CTTNBP2: variants seen among roughly 807,000 people sequenced by gnomAD.
The protein encoded by CTTNBP2 is cortactin-binding protein 2.
CTTNBP2 carries 108 observed loss-of-function variants against 156.9 expected under a neutral mutation model. That is an observed-to-expected ratio of 0.69 (90% confidence interval 0.59 to 0.81). CTTNBP2 has a LOEUF of 0.81. Among genes scored for constraint, CTTNBP2 ranks in the 30% least tolerant of loss-of-function variants. CTTNBP2 has a pLI of 0.00. For synonymous variants in CTTNBP2, 767 were observed against 751.8 expected, an observed-to-expected ratio of 1.02 and a Z score of -0.33; for missense variants, 1,924 against 2,035.4, an observed-to-expected ratio of 0.95 and a Z score of 1.05.
At position 117,725,151 on chromosome 7, in the gene CTTNBP2, T is replaced by C. The variant is rs774721989; in HGVS notation, c.4162A>G (p.Lys1388Glu). Residue 1388 changes from lysine to glutamate, a missense_variant, in exon 18 of 23, where the codon AAA becomes GAA. Coordinates refer to ENST00000160373, the MANE Select transcript of CTTNBP2 (RefSeq NM_033427.3). ...TGCTGTCCTTGGCTAGGGTGTCTTT[T>C]AGCAGTTGTCTGCCCAAAGCCAGGT... is the stretch of plus-strand genomic sequence containing the variant. Reference protein sequence around the residue: ...RQPGFGQTTAKRHPSQGQQAV... With the variant: ...RQPGFGQTTAERHPSQGQQAV... 6.2e-7 allele frequency: 1 copy of C among 1,613,726 alleles called. No individual in the cohort carries two copies. Among genetic ancestry groups the C allele is most frequent in the East Asian group, 2.2e-5 (1 of 44,886 alleles).
Position 117,792,804 on chromosome 7 carries a change from C to T in CTTNBP2, c.415-23G>A, listed in dbSNP as rs374855585. On this transcript the variant is annotated intron_variant, in intron 3 of 22. Coordinates refer to ENST00000160373, the MANE Select transcript of CTTNBP2 (RefSeq NM_033427.3). This position sits in a 1 kb window ranked among gnomAD's most constrained non-coding sequence, Gnocchi z 4.2. ...CAGCTGAAAGAAATTCACAGGAAAACCCTGATTAATATACAGAATTTTCTT... is the reference window on the plus strand; with the variant it reads ...CAGCTGAAAGAAATTCACAGGAAAATCCTGATTAATATACAGAATTTTCTT... 8 of 1,480,644 alleles carry T rather than the reference C, an allele frequency of 5.4e-6. No individual in the cohort carries two copies. In the African/African-American group the frequency reaches 9.9e-5, roughly 18 times the overall value. The allele number at this position is 1,480,644 out of a possible 1,614,324, so 91.7% of individuals were successfully genotyped here.
chr7:117,854,827 C>T (rs1199522751), intron 2 of CTTNBP2, among the ~76,000 whole-genome samples: 8 of 152,054 alleles, frequency 5.3e-5, no homozygotes, highest in Admixed American at 3.9e-4. Context: ...CTCTATCACC[C>T]AGGCTGGAGT....
chr7:117,831,057 C>T lies in CTTNBP2; in HGVS notation c.190-20068G>A, dbSNP rs73477501. ...TATGAAATATTTATTGGCTATTAAA[C>T]CTACATTTTAAACTTTTCAAGCACT... On this transcript the variant is annotated intron_variant, in intron 2 of 22. Coordinates refer to ENST00000160373, the MANE Select transcript of CTTNBP2 (RefSeq NM_033427.3). Among the ~76,000 whole-genome samples, 348 of 151,886 alleles carry T rather than the reference C, an allele frequency of 2.3e-3. 1 individual carries two copies. Among genetic ancestry groups the T allele is most frequent in the African/African-American group, 8.1e-3 (335 of 41,388 alleles).
At chr7:117,806,508 A>G (rs1033592480) in intron 3 of CTTNBP2, among the ~76,000 whole-genome samples, 4 of 152,140 alleles carry the variant, frequency 2.6e-5, no homozygotes, top group Admixed American at 6.6e-5. Context: ...CTCCCTGGGC[A>G]CTCCAACCCA....
intron 9 of CTTNBP2, among the ~76,000 whole-genome samples, chr7:117,762,714 C>T (rs892918579): frequency 1.3e-5 from 2 of 152,222 alleles, no homozygotes; most frequent in African/African-American, 2.4e-5. Context: ...TACAATCGAA[C>T]ACTGCAATGG....
Position 117,791,682 on chromosome 7 carries a change from C to T in CTTNBP2, c.1514G>A (p.Gly505Asp). The T allele has an allele frequency of 1.9e-6, 3 of 1,614,168 alleles. No individual in the cohort carries two copies. Among genetic ancestry groups the T allele is most frequent in the Non-Finnish European group, 2.5e-6 (3 of 1,180,040 alleles). The change falls in exon 4 of 23, where the codon GGT (glycine) becomes GAT (aspartate). Residue 505 changes from glycine to aspartate, a missense_variant. Coordinates refer to ENST00000160373, the MANE Select transcript of CTTNBP2 (RefSeq NM_033427.3). ...GGGCACTCCAGGCCTTGAGGGAGCA[C>T]CTGCTTGAGGGCTTGTAAATCTTGA... is the stretch of plus-strand genomic sequence containing the variant. Reference protein sequence around the residue: ...ALSRFTSPQAGAPSRPGVPPT... With the variant: ...ALSRFTSPQADAPSRPGVPPT...
intron 5 of CTTNBP2, among the ~76,000 whole-genome samples, chr7:117,784,028 CT>C (rs1798566862): frequency 6.6e-6 from 1 of 152,138 alleles, no homozygotes; most frequent in Non-Finnish European, 1.5e-5. Context: ...ACAAAGATTA[CT>C]TTTTACTAGC....
chr7:117,735,794 A>T (rs112148548), intron 14 of CTTNBP2, among the ~76,000 whole-genome samples: 4 of 152,376 alleles, frequency 2.6e-5, no homozygotes, highest in South Asian at 2.1e-4. Context: ...ATCATAAAAG[A>T]TTATATACAA....
At chr7:117,850,224 T>C (rs1289991139) in intron 2 of CTTNBP2, among the ~76,000 whole-genome samples, 1 of 152,176 alleles carries the variant, frequency 6.6e-6, no homozygotes, top group African/African-American at 2.4e-5. Context: ...CCCTTATCTA[T>C]GGGGAATATG....
At position 117,847,184 on chromosome 7, in the gene CTTNBP2, T is replaced by C. The variant is rs572916570; in HGVS notation, c.189+14025A>G. ...AGAAAAAAAAAAATGCACAAGCTGGTTTTCAAAGCAATGAAAAGTAGGACA... is the reference window on the plus strand; with the variant it reads ...AGAAAAAAAAAAATGCACAAGCTGGCTTTCAAAGCAATGAAAAGTAGGACA... On this transcript the variant is annotated intron_variant, in intron 2 of 22. Transcript: ENST00000160373. 2.7e-5 allele frequency among the ~76,000 whole-genome samples: 4 copies of C among 149,358 alleles called. No homozygotes were observed. The East Asian group carries it at 7.8e-4, about 29-fold the overall frequency.
At chr7:117,723,366 A>G (rs1337467924) in intron 19 of CTTNBP2, among the ~76,000 whole-genome samples, 1 of 152,186 alleles carries the variant, frequency 6.6e-6, no homozygotes, top group Non-Finnish European at 1.5e-5. Flanking sequence ...TCATAACTAA[A>G]AGCAACTTTA....
chr7:117,821,596 T>C (rs1234931604), intron 2 of CTTNBP2, among the ~76,000 whole-genome samples: 1 of 151,208 alleles, frequency 6.6e-6, no homozygotes, highest in Non-Finnish European at 1.5e-5. Context: ...GGATTTTTTT[T>C]TTTTTTTTTT....
At chr7:117,845,030 T>C (rs146216157) in intron 2 of CTTNBP2, among the ~76,000 whole-genome samples, 73 of 152,238 alleles carry the variant, frequency 4.8e-4, no homozygotes, top group African/African-American at 1.7e-3. Flanking sequence ...ACAGGAGGAC[T>C]TGGTAAATTT....
At chr7:117,865,991 T>C (rs1804168612) in intron 1 of CTTNBP2, among the ~76,000 whole-genome samples, 1 of 148,662 alleles carries the variant, frequency 6.7e-6, no homozygotes, top group Non-Finnish European at 1.5e-5. Context: ...ATATAGTATA[T>C]TATGTATAAA....
In CTTNBP2 at chr7:117,777,741, C is replaced by T; in HGVS notation, c.2548G>A (p.Ala850Thr). The change falls in exon 8 of 23, where the codon GCT becomes ACT. Residue 850 changes from alanine (A) to threonine (T), a missense_variant. Ala to Thr is a moderately conservative substitution (Grantham distance 58, BLOSUM62 0). Transcript: ENST00000160373. ...CTGTCCACATTACCAGTGTCCACAG[C>T]TGCGTGAACTGGTGTCCAGCCATCC... Reference protein sequence around the residue: ...TTDGWTPVHAAVDTGNVDSLK... With the variant: ...TTDGWTPVHATVDTGNVDSLK... The T allele has an allele frequency of 6.2e-7, 1 of 1,610,340 alleles. No homozygotes were observed.
At chr7:117,795,062 T>G (rs1183053840) in intron 3 of CTTNBP2, among the ~76,000 whole-genome samples, 1 of 149,056 alleles carries the variant, frequency 6.7e-6, no homozygotes, top group Non-Finnish European at 1.5e-5. Flanking sequence ...GCCCGGCTAA[T>G]TTTTTTTGTA....
chr7:117,830,833 G>A (rs1024478379), intron 2 of CTTNBP2, among the ~76,000 whole-genome samples: 1 of 152,166 alleles, frequency 6.6e-6, no homozygotes, highest in Non-Finnish European at 1.5e-5. Flanking sequence ...AGGAAGTAAT[G>A]ATTGTTTTTG....
intron 12 of CTTNBP2, among the ~76,000 whole-genome samples, chr7:117,748,569 C>T (rs35498626): frequency 0.096 from 14,539 of 152,180 alleles, 2,242 homozygotes; most frequent in African/African-American, 0.33. Context: ...TTCACGATCT[C>T]ACTTCTGTTC....
At chr7:117,760,286 T>C (rs899462980) in intron 10 of CTTNBP2, 149 bp downstream of exon 10, 2 of 680,768 alleles carry the variant, frequency 2.9e-6, no homozygotes, top group Non-Finnish European at 4.9e-6. Flanking sequence ...ATGGCTACAT[T>C]GTGAATACTC....
Sources: gnomAD v4.1 joint callset for allele counts (sites outside exome capture counted in the v4.1 genomes callset) on GRCh38, gnomAD v4.1.1 for gene constraint, Gnocchi (gnomAD v3.1) non-coding constraint, MANE v1.5 for transcripts, NCBI Gene and HGNC (gene_info 2026-07-23, HGNC 2026-07-21) for gene names.